NUP93: variants seen among roughly 807,000 people sequenced by gnomAD.
NUP93 encodes the protein nuclear pore complex protein Nup93.
NUP93 carries 55 observed loss-of-function variants against 107.8 expected under a neutral mutation model. The ratio of observed to expected loss-of-function variants is 0.51; its 90% CI spans 0.41 to 0.64. The LOEUF (loss-of-function observed/expected upper bound fraction) is 0.64. Among genes scored for constraint, NUP93 ranks in the 30% least tolerant of loss-of-function variants. The probability of loss-of-function intolerance (pLI) is 0.00; values close to 1 mark genes in which losing one functional copy is unlikely to be tolerated. For missense variants in NUP93, 937 were observed against 1,044.7 expected (o/e 0.90, Z 1.42); for synonymous variants, 390 against 397.5 (o/e 0.98, Z 0.22).
intron 15 of NUP93, 114 bp from the exon 16 acceptor site, chr16:56,834,620 G>A: frequency 8.8e-7 from 1 of 1,134,232 alleles, no homozygotes; most frequent in South Asian, 1.4e-5. Context: ...TTTTTAGTTT[G>A]CCTAAGACTT....
chr16:56,839,339 G>A (rs1226387362), intron 19 of NUP93, 182 bp from the exon 20 acceptor site: 7 of 346,874 alleles, frequency 2.0e-5, no homozygotes, highest in Non-Finnish European at 3.6e-5. Flanking sequence ...TAAAAATTGT[G>A]TCAGGAAATG....
chr16:56,815,865 ACTGCTGCTGCTGCTGCTGCTG>A lies in NUP93; in HGVS notation c.490-2786_490-2766del, dbSNP rs59958027. 5.4e-5 allele frequency among the ~76,000 whole-genome samples: 8 copies of A among 147,078 alleles called. No individual in the cohort carries two copies. In the South Asian group the frequency reaches 1.1e-3, roughly 20 times the overall value. Reference sequence around the variant, plus strand: ...TCCAGGATTTCCAGCTACTACTGCTACTGCTGCTGCTGCTGCTGCTGCTGCTGCTGCTGGTGCTGCTGCTGC... The same window carrying A: ...TCCAGGATTTCCAGCTACTACTGCTACTGCTGCTGCTGGTGCTGCTGCTGC... On this transcript the variant is annotated intron_variant, in intron 5 of 21. Coordinates refer to ENST00000308159, the MANE Select transcript of NUP93 (RefSeq NM_014669.5).
intron 3 of NUP93, chr16:56,782,004 G>C: frequency 1.0e-6 from 1 of 985,426 alleles, no homozygotes; most frequent in Non-Finnish European, 1.2e-6. Flanking sequence ...AGCACTTGCA[G>C]AGGGGTTGTT....
At chr16:56,835,551 C>T (rs1963891247) in intron 16 of NUP93, among the ~76,000 whole-genome samples, 2 of 152,360 alleles carry the variant, frequency 1.3e-5, no homozygotes, top group South Asian at 4.1e-4. Context: ...ACAGGCTGCA[C>T]TGGGGCCAGG....
chr16:56,782,646 G>C (rs780287981), intron 3 of NUP93: 1 of 152,136 alleles, frequency 6.6e-6, no homozygotes, highest in East Asian at 1.9e-4. Context: ...TTGCAGGTGA[G>C]AGTGAGTGAG....
intron 3 of NUP93, among the ~76,000 whole-genome samples, chr16:56,765,938 G>A (rs1307533017): frequency 6.7e-6 from 1 of 150,166 alleles, no homozygotes; most frequent in African/African-American, 2.4e-5. Context: ...TGGTGGCAAA[G>A]TATGCAATTA....
chr16:56,839,531 G>A lies in NUP93; in HGVS notation c.2147G>A (p.Arg716His), dbSNP rs200856369. Residue 716 changes from arginine (R) to histidine (H), a missense_variant, in exon 20 of 22, where the codon CGC becomes CAC. Transcript: ENST00000308159. ...GGTTGTTTTAAACAGATCATTGAGC[G>A]CTTGAAGCTGGTGCCCCTGAATCAG... ...HIDRAFDIIE[R>H]LKLVPLNQES... 46 of 1,611,880 alleles carry A rather than the reference G, an allele frequency of 2.9e-5. No homozygotes were observed. Among genetic ancestry groups the A allele is most frequent in the Non-Finnish European group, 3.4e-5 (40 of 1,179,338 alleles).
In NUP93 at chr16:56,849,768, A is replaced by G. The variant is rs1219101377; in HGVS notation, c.*5159A>G. The G allele has an allele frequency of 6.6e-6, 1 of 152,160 alleles. No individual in the cohort carries two copies. Among genetic ancestry groups the G allele is most frequent in the East Asian group, 1.9e-4 (1 of 5,196 alleles). 9.4% of individuals were successfully genotyped at this position (152,160 alleles called of 1,614,324 possible). On this transcript the variant is annotated 3_prime_UTR_variant, in exon 22 of 22. Transcript: ENST00000308159. ...CTCTGCTGGTACTAGCTGCCCAGAG[A>G]CCTTCAGGCCTGCCACGGGCTGCCG...
At chr16:56,810,638 C>CT (rs1963293311) in intron 5 of NUP93, among the ~76,000 whole-genome samples, 2 of 152,074 alleles carry the variant, frequency 1.3e-5, no homozygotes, top group Admixed American at 6.6e-5. Flanking sequence ...CAGTGAGACT[C>CT]TGTCTCAAAA....
chr16:56,831,278 G>A (rs1963781068), intron 10 of NUP93, among the ~76,000 whole-genome samples: 1 of 152,230 alleles, frequency 6.6e-6, no homozygotes, highest in African/African-American at 2.4e-5. Context: ...TAGAAGAAAT[G>A]ATGGCGGTTA....
chr16:56,785,297 A>G (rs1203932289), intron 3 of NUP93, among the ~76,000 whole-genome samples: 2 of 152,098 alleles, frequency 1.3e-5, no homozygotes, highest in African/African-American at 4.8e-5. Context: ...TGTTGGCTTT[A>G]TAATAAGGCT....
At chr16:56,797,613 G>T (rs1464207946) in intron 3 of NUP93, among the ~76,000 whole-genome samples, 1 of 152,084 alleles carries the variant, frequency 6.6e-6, no homozygotes, top group Non-Finnish European at 1.5e-5. Flanking sequence ...GGTCATCCTG[G>T]GCATCTCTTT....
intron 16 of NUP93, among the ~76,000 whole-genome samples, chr16:56,836,083 T>G (rs1055606412): frequency 2.7e-5 from 4 of 149,394 alleles, no homozygotes; most frequent in African/African-American, 9.9e-5. Context: ...GAGCCGAGAT[T>G]GCGCCACTGC....
intron 20 of NUP93, among the ~76,000 whole-genome samples, chr16:56,841,366 G>C (rs1964021561): frequency 1.3e-5 from 2 of 152,046 alleles, no homozygotes; most frequent in African/African-American, 4.8e-5. Flanking sequence ...TGACATTCAA[G>C]TTCAAATTAT....
intron 1 of NUP93, among the ~76,000 whole-genome samples, chr16:56,737,839 C>CA (rs1961638179): frequency 6.6e-6 from 1 of 152,196 alleles, no homozygotes; most frequent in African/African-American, 2.4e-5. Context: ...TTAGAATCCG[C>CA]ACACCTTCTG....
intron 5 of NUP93, among the ~76,000 whole-genome samples, chr16:56,816,857 A>G (rs762825204): frequency 1.3e-5 from 2 of 152,180 alleles, no homozygotes; most frequent in East Asian, 1.9e-4. Flanking sequence ...GACACCAGCA[A>G]TGCTACCCAT....
intron 4 of NUP93, 55 bp downstream of exon 4, chr16:56,798,593 C>A: frequency 7.1e-7 from 1 of 1,400,116 alleles, no homozygotes; most frequent in Non-Finnish European, 1.0e-6. Flanking sequence ...GAGGGCTGGG[C>A]GTGGTGGCTC....
intron 3 of NUP93, among the ~76,000 whole-genome samples, chr16:56,774,731 G>A (rs78495955): frequency 0.015 from 2,263 of 152,066 alleles, 43 homozygotes; most frequent in East Asian, 0.089. Context: ...TTCTCATTTC[G>A]CAGATGAAGA....
chr16:56,742,289 G>A (rs750621955), intron 1 of NUP93, among the ~76,000 whole-genome samples: 18 of 152,126 alleles, frequency 1.2e-4, no homozygotes, highest in Non-Finnish European at 2.6e-4. Flanking sequence ...GCCTAGTTAG[G>A]GTAGCTTACT....
Sources: gnomAD v4.1 joint callset for allele counts (sites outside exome capture counted in the v4.1 genomes callset) on GRCh38, gnomAD v4.1.1 for gene constraint, MANE v1.5 for transcripts, NCBI Gene and HGNC (gene_info 2026-07-23, HGNC 2026-07-21) for gene names.